TCF25: variants seen among roughly 807,000 people sequenced by gnomAD.
The protein encoded by TCF25 is TCF25 ribosome quality control complex subunit, also known as ribosome quality control complex subunit TCF25.
In TCF25, 41 loss-of-function variants were observed where a neutral mutation model predicts 83.1. The observed-to-expected ratio is 0.49, with a 90% CI of 0.38 to 0.64. The LOEUF (loss-of-function observed/expected upper bound fraction) is 0.64, where lower values mean the gene tolerates loss of function less well. TCF25 is among the 30% of genes least tolerant of loss of function. TCF25 has a pLI of 0.00. For synonymous variants in TCF25, 458 were observed against 365.0 expected (o/e 1.25, Z -2.90); for missense variants, 979 against 914.5 (o/e 1.07, Z -0.91).
intron 7 of TCF25, among the ~76,000 whole-genome samples, chr16:89,894,703 G>A (rs961907808): frequency 3.3e-5 from 5 of 152,194 alleles, no homozygotes; most frequent in East Asian, 1.9e-4. Flanking sequence ...TCACTCTGTC[G>A]CCTAAGCTAG....
At chr16:89,899,099 G>A (rs889345770) in intron 11 of TCF25, among the ~76,000 whole-genome samples, 5 of 152,116 alleles carry the variant, frequency 3.3e-5, no homozygotes, top group Non-Finnish European at 7.4e-5. Flanking sequence ...ATCCTCATAC[G>A]TGTGTACACA....
chr16:89,909,844 G>A (rs1367687391), intron 16 of TCF25: 5 of 152,478 alleles, frequency 3.3e-5, no homozygotes, highest in Non-Finnish European at 7.3e-5. Context: ...CAGAGCACAC[G>A]GCACATTGAG....
chr16:89,906,278 G>T lies in TCF25; in HGVS notation c.1713G>T (p.Leu571=), dbSNP rs577178236. 4.3e-6 allele frequency: 7 copies of T among 1,612,890 alleles called. No individual in the cohort carries two copies. The African/African-American group carries it at 6.7e-5, about 15-fold the overall frequency. The part of the protein sequence containing the change: ...LSEIKEAVAA[L]PPDVTTQSVM... ...AGATCAAGGAAGCCGTCGCTGCCCTGCCCCCGGTAAGGGAGAAAGGCTGAA... is the reference window on the plus strand; with the variant it reads ...AGATCAAGGAAGCCGTCGCTGCCCTTCCCCCGGTAAGGGAGAAAGGCTGAA... The change falls in exon 15 of 18, where the codon CTG becomes CTT. Residue 571 remains leucine (L), a synonymous_variant. Coordinates refer to ENST00000263346, the MANE Select transcript of TCF25 (RefSeq NM_014972.3).
chr16:89,886,099 G>T, intron 4 of TCF25, 133 bp downstream of exon 4: 1 of 656,692 alleles, frequency 1.5e-6, no homozygotes, highest in Non-Finnish European at 2.7e-6. Flanking sequence ...TCTAAAAAAG[G>T]AAAAATAAAA....
At chr16:89,886,257 C>G (rs990107134) in intron 4 of TCF25, 9 of 374,106 alleles carry the variant, frequency 2.4e-5, no homozygotes, top group Non-Finnish European at 4.7e-5. Context: ...GAAACCCCCT[C>G]TCTACTAAAA....
At chr16:89,873,927 AGCCGG>A in intron 1 of TCF25, 68 bp downstream of exon 1, 1 of 1,407,886 alleles carries the variant, frequency 7.1e-7, no homozygotes, top group South Asian at 1.4e-5. Context: ...GCGAGCGTCC[AGCCGG>A]GTCGGGGAGC....
At chr16:89,886,833 A>C (rs2043053001) in intron 4 of TCF25, among the ~76,000 whole-genome samples, 1 of 151,796 alleles carries the variant, frequency 6.6e-6, no homozygotes, top group East Asian at 1.9e-4. Context: ...GCCACTCAGG[A>C]GGCTGAGGCA....
chr16:89,874,213 G>A (rs1245512778), intron 1 of TCF25, among the ~76,000 whole-genome samples: 1 of 152,112 alleles, frequency 6.6e-6, no homozygotes, highest in African/African-American at 2.4e-5. Flanking sequence ...CCAAGGGCGT[G>A]GCCAACGTCC....
intron 17 of TCF25, 132 bp from the exon 18 acceptor site, chr16:89,910,948 G>C: frequency 7.8e-7 from 1 of 1,279,584 alleles, no homozygotes; most frequent in Non-Finnish European, 1.1e-6. Flanking sequence ...TCCTCACAGG[G>C]ACCTGGGGAG....
chr16:89,883,721 GGA>G, intron 2 of TCF25: 1 of 587,324 alleles, frequency 1.7e-6, no homozygotes, highest in Admixed American at 3.0e-5. Flanking sequence ...CTGCATCTCA[GGA>G]GAGTCTGCGC....
At chr16:89,909,458 T>C (rs2045354994) in intron 16 of TCF25, 2 of 172,500 alleles carry the variant, frequency 1.2e-5, no homozygotes, top group South Asian at 1.9e-4. Context: ...TTGCAGTGAG[T>C]GGAGATCGTG....
intron 1 of TCF25, chr16:89,874,547 C>G (rs2042025279): frequency 6.6e-6 from 1 of 152,438 alleles, no homozygotes; most frequent in African/African-American, 2.4e-5. Flanking sequence ...GCATCCCCAT[C>G]AGCCTAACCC....
At chr16:89,889,157 ACT>A (rs2043236586) in intron 5 of TCF25, 1 of 363,746 alleles carries the variant, frequency 2.7e-6, no homozygotes, top group East Asian at 9.3e-5. Flanking sequence ...CCACCTCTGG[ACT>A]CTCCATCGAA....
rs1341974441 is a variant in TCF25, at chr16:89,901,563, G to A, written c.1381+769G>A. ...GATCGAGACCATCCTGACTAACACG[G>A]TGAAACCACGTCTCTACTAAAAATA... On this transcript the variant is annotated intron_variant, in intron 12 of 17. Coordinates refer to ENST00000263346, the MANE Select transcript of TCF25 (RefSeq NM_014972.3). Among the ~76,000 whole-genome samples, 3 of 124,566 alleles carry A rather than the reference G, an allele frequency of 2.4e-5. No homozygotes were observed. The South Asian group carries it at 7.9e-4, about 33-fold the overall frequency. 81.7% of individuals were successfully genotyped at this position (124,566 alleles called of 152,430 possible).
At chr16:89,874,447 G>A (rs137981074) in intron 1 of TCF25, 2 of 153,572 alleles carry the variant, frequency 1.3e-5, no homozygotes, top group Non-Finnish European at 2.9e-5. Context: ...CCTTCTCTCG[G>A]TTCCAGGGTT....
chr16:89,904,993 C>T lies in TCF25; in HGVS notation c.1525C>T (p.Leu509Phe). Residue 509 changes from leucine to phenylalanine, a missense_variant, in exon 14 of 18, where the codon CTC (leucine) becomes TTC (phenylalanine). Transcript: ENST00000263346. ...VNLYLGRSHF[L>F]WKEPATMSWL... The stretch of plus-strand genomic sequence containing the variant: ...CCTGTACCTTGGGAGGTCACACTTT[C>T]TCTGGAAAGAGCCCGCCACCATGAG... 2 of 1,607,660 alleles carry T rather than the reference C, an allele frequency of 1.2e-6. No individual in the cohort carries two copies. Among genetic ancestry groups the T allele is most frequent in the Non-Finnish European group, 1.7e-6 (2 of 1,177,424 alleles).
intron 9 of TCF25, among the ~76,000 whole-genome samples, chr16:89,897,175 C>A (rs914170718): frequency 2.0e-5 from 3 of 152,240 alleles, no homozygotes; most frequent in Non-Finnish European, 4.4e-5. Context: ...GCAGGTTTGA[C>A]CTTAAATCAG....
intron 14 of TCF25, 74 bp from the exon 15 acceptor site, chr16:89,906,120 G>C (rs2044757153): frequency 7.6e-7 from 1 of 1,322,172 alleles, no homozygotes; most frequent in African/African-American, 1.5e-5. Context: ...GGGGGTGGGG[G>C]CCGAGGCTCC....
chr16:89,893,914 C>G lies in TCF25; in HGVS notation c.828+56C>G, dbSNP rs1035809261. On this transcript the variant is annotated intron_variant, in intron 7 of 17. Coordinates refer to ENST00000263346, the MANE Select transcript of TCF25 (RefSeq NM_014972.3). ...CAGGGGCCATGTAGCCACCACTGCCCTGGGCCGCCTGCTTCCCTGGTGGCT... is the reference window on the plus strand; with the variant it reads ...CAGGGGCCATGTAGCCACCACTGCCGTGGGCCGCCTGCTTCCCTGGTGGCT... 17 of 1,548,024 alleles carry G rather than the reference C, an allele frequency of 1.1e-5. No individual in the cohort carries two copies. The African/African-American group carries it at 1.9e-4, about 17-fold the overall frequency.
Sources: allele counts gnomAD v4.1 joint callset (sites outside exome capture counted in the v4.1 genomes callset), GRCh38; gene constraint gnomAD v4.1.1; transcripts MANE v1.5; gene names NCBI Gene and HGNC (gene_info 2026-07-23, HGNC 2026-07-21).